Variants in SLC44A5 observed in about 807,000 individuals in gnomAD.
SLC44A5 encodes the protein choline transporter-like protein 5.
In SLC44A5, 57 loss-of-function variants were observed where a neutral mutation model predicts 101.8. The ratio of observed to expected loss-of-function variants is 0.56; its 90% CI spans 0.45 to 0.70. SLC44A5 has a LOEUF of 0.70. Among genes scored for constraint, SLC44A5 ranks in the 30% least tolerant of loss-of-function variants. The pLI is 0.00. For missense variants in SLC44A5, 737 were observed against 853.1 expected (o/e 0.86, Z 1.70); for synonymous variants, 281 against 290.9 (o/e 0.97, Z 0.35).
the SLC44A5 span, among the ~76,000 whole-genome samples, chr1:75,686,893 G>A: frequency 6.6e-6 from 1 of 152,188 alleles, no homozygotes; most frequent in African/African-American, 2.4e-5. Flanking sequence ...TGGACTTGCT[G>A]ATGTATGGAT....
rs1416641172 is a variant in SLC44A5 at position 75,238,709 on chromosome 1, C to A, written c.533-73G>T. On this transcript the variant is annotated intron_variant, in intron 9 of 23. Coordinates refer to ENST00000370859, the MANE Select transcript of SLC44A5 (RefSeq NM_001130058.2). Reference sequence around the variant, plus strand: ...TTAATGATGTCCTCCCTTTCTTAAGCTTTCTGTTATATATAATCAAATTCT... The same window carrying A: ...TTAATGATGTCCTCCCTTTCTTAAGATTTCTGTTATATATAATCAAATTCT... 5 of 1,043,726 alleles carry A rather than the reference C, an allele frequency of 4.8e-6. No homozygotes were observed. The East Asian group carries it at 9.1e-5, about 19-fold the overall frequency. 64.7% of individuals were successfully genotyped at this position (1,043,726 alleles called of 1,614,324 possible). A position where few individuals can be genotyped will look rare whatever the true frequency, so the allele number is the denominator to read the frequency against.
chr1:75,642,221 A>G, the SLC44A5 span: 2 of 549,588 alleles, frequency 3.6e-6, no homozygotes, highest in African/African-American at 3.8e-5. Flanking sequence ...TTCTGCTTAT[A>G]CAATCACTTG....
chr1:75,568,752 A>G (rs1292815565), intron 1 of SLC44A5, among the ~76,000 whole-genome samples: 1 of 152,154 alleles, frequency 6.6e-6, no homozygotes, highest in African/African-American at 2.4e-5. Flanking sequence ...ACATCATTCT[A>G]TTCCTCACAA....
At chr1:75,376,568 A>T (rs535070975) in intron 3 of SLC44A5, among the ~76,000 whole-genome samples, 2 of 152,306 alleles carry the variant, frequency 1.3e-5, no homozygotes, top group African/African-American at 4.8e-5. Flanking sequence ...CAGCAGGGGC[A>T]CACTGACACC....
intron 2 of SLC44A5, among the ~76,000 whole-genome samples, chr1:75,448,377 G>T (rs1280103468): frequency 1.3e-5 from 2 of 152,120 alleles, no homozygotes; most frequent in African/African-American, 2.4e-5. Flanking sequence ...TTTTAGGAGG[G>T]GGCCCGAATG....
chr1:75,619,599 C>T, the SLC44A5 span, among the ~76,000 whole-genome samples: 1 of 151,984 alleles, frequency 6.6e-6, no homozygotes. Context: ...CCTAACAGAA[C>T]ACATCTGCCA....
chr1:75,233,906 C>T (rs546835675), intron 12 of SLC44A5, 80 bp downstream of exon 12: 2 of 1,069,870 alleles, frequency 1.9e-6, no homozygotes. Flanking sequence ...AAAACAAATG[C>T]TTTCTGGTAA....
the SLC44A5 span, among the ~76,000 whole-genome samples, chr1:75,618,677 A>G: frequency 1.3e-5 from 2 of 152,204 alleles, no homozygotes. Context: ...ATTGCTCCTC[A>G]GCTACAAACC....
chr1:75,554,198 T>C (rs211781), intron 1 of SLC44A5, among the ~76,000 whole-genome samples: 144,714 of 152,242 alleles, frequency 0.95, 68,815 homozygotes, highest in East Asian at 0.97. Context: ...AGTATCAGGC[T>C]GGGTGCAGTG....
chr1:75,492,053 T>C (rs1205506049), intron 2 of SLC44A5, among the ~76,000 whole-genome samples: 1 of 152,118 alleles, frequency 6.6e-6, no homozygotes. Flanking sequence ...ACAATGGGTA[T>C]GTTACCTGTT....
intron 2 of SLC44A5, among the ~76,000 whole-genome samples, chr1:75,470,780 G>A (rs1422055762): frequency 6.6e-6 from 1 of 152,042 alleles, no homozygotes; most frequent in East Asian, 1.9e-4. Context: ...GGGTTGGGAG[G>A]GGCTGTCCAG....
At chr1:75,219,919 C>A in intron 14 of SLC44A5, 27 bp from the exon 15 acceptor site, 1 of 1,464,002 alleles carries the variant, frequency 6.8e-7, no homozygotes, top group South Asian at 1.2e-5. Context: ...AGTTGAAATT[C>A]AATTGTTAAA....
chr1:75,660,815 A>T, the SLC44A5 span, among the ~76,000 whole-genome samples: 1 of 152,182 alleles, frequency 6.6e-6, no homozygotes, highest in South Asian at 2.1e-4. Context: ...ATTAAAGAAG[A>T]CATCAAAAAA....
At chr1:75,400,530 T>G (rs185555987) in intron 2 of SLC44A5, among the ~76,000 whole-genome samples, 1 of 152,196 alleles carries the variant, frequency 6.6e-6, no homozygotes, top group South Asian at 2.1e-4. Context: ...TTCTATTCAC[T>G]CTTTGGGCTT....
chr1:75,212,621 A>G (rs533237002), intron 22 of SLC44A5, among the ~76,000 whole-genome samples: 1 of 151,898 alleles, frequency 6.6e-6, no homozygotes, highest in Non-Finnish European at 1.5e-5. Flanking sequence ...TCTTCCTGCC[A>G]CCCCCAGTAC....
chr1:75,594,646 T>G (rs6593581), intron 1 of SLC44A5, among the ~76,000 whole-genome samples: 118,794 of 151,900 alleles, frequency 0.78, 46,846 homozygotes, highest in East Asian at 0.94. Context: ...CTTATCTTTA[T>G]AAATAAGAAA....
intron 7 of SLC44A5, among the ~76,000 whole-genome samples, chr1:75,246,118 G>C (rs1389217693): frequency 6.6e-6 from 1 of 152,028 alleles, no homozygotes; most frequent in East Asian, 1.9e-4. Context: ...GCACCACAAA[G>C]GGCACTTTGC....
chr1:75,534,843 G>A (rs536786269), intron 2 of SLC44A5, among the ~76,000 whole-genome samples: 72 of 152,258 alleles, frequency 4.7e-4, no homozygotes, highest in Non-Finnish European at 8.4e-4. Flanking sequence ...AAAAAGAGGT[G>A]AGAGAGAGAT....
Position 75,219,880 on chromosome 1 carries a change from A to T in SLC44A5, c.1098T>A (p.Tyr366Ter). Residue 366 changes from tyrosine (Y) to a stop codon, truncating the protein, a stop_gained, in exon 15 of 24, where the codon TAT becomes TAA. Coordinates refer to ENST00000370859, the MANE Select transcript of SLC44A5 (RefSeq NM_001130058.2). LOFTEE classifies it high-confidence loss of function. ...LLKEGSKAIG[Y>*]VPSTLVYPAL... ...CTGGATAGACTAATGTACTAGGAACATATCCAATGGCTCTGAAATAAAACA... is the reference window on the plus strand; with the variant it reads ...CTGGATAGACTAATGTACTAGGAACTTATCCAATGGCTCTGAAATAAAACA... The T allele has an allele frequency of 6.2e-7, 1 of 1,604,790 alleles. No individual in the cohort carries two copies. The highest frequency in any genetic ancestry group is 8.5e-7 in the Non-Finnish European group (1 of 1,173,654).
Sources: gnomAD v4.1 joint callset for allele counts (sites outside exome capture counted in the v4.1 genomes callset) on GRCh38, gnomAD v4.1.1 for gene constraint, MANE v1.5 for transcripts, NCBI Gene and HGNC (gene_info 2026-07-23, HGNC 2026-07-21) for gene names.